Variants in PDGFD observed in about 807,000 individuals in gnomAD.
PDGFD encodes platelet derived growth factor D.
PDGFD carries 30 observed loss-of-function variants against 44.7 expected under a neutral mutation model. The observed-to-expected ratio is 0.67, with a 90% confidence interval of 0.50 to 0.91. PDGFD has a LOEUF of 0.91. Among genes scored for constraint, PDGFD ranks in the 40% least tolerant of loss-of-function variants. The pLI, the probability that PDGFD is intolerant of heterozygous loss-of-function variation, is 0.00. For missense variants in PDGFD, 445 were observed against 457.8 expected (o/e 0.97, Z 0.25); for synonymous variants, 173 against 168.4 (o/e 1.03, Z -0.21).
chr11:103,935,100 C>T (rs1417954588), intron 5 of PDGFD, among the ~76,000 whole-genome samples: 2 of 152,190 alleles, frequency 1.3e-5, no homozygotes, highest in Non-Finnish European at 2.9e-5. Context: ...ATTTGTTCAT[C>T]CGACGCTAAA....
chr11:104,030,052 T>C (rs1860100775), intron 1 of PDGFD, among the ~76,000 whole-genome samples: 2 of 152,244 alleles, frequency 1.3e-5, no homozygotes, highest in Non-Finnish European at 1.5e-5. Context: ...GTTAAAACTT[T>C]GTTTTATGCA....
intron 3 of PDGFD, among the ~76,000 whole-genome samples, chr11:103,979,819 T>C (rs747145405): frequency 1.3e-5 from 2 of 152,128 alleles, no homozygotes; most frequent in Non-Finnish European, 2.9e-5. Context: ...GAAAATAGCA[T>C]ATATACATTT....
At chr11:104,034,934 G>A (rs889842045) in intron 1 of PDGFD, among the ~76,000 whole-genome samples, 4 of 152,070 alleles carry the variant, frequency 2.6e-5, no homozygotes, top group Non-Finnish European at 4.4e-5. Flanking sequence ...GAGCCACCGC[G>A]CCAGGCAGCA....
chr11:104,103,959 C>T (rs372286765), intron 1 of PDGFD, among the ~76,000 whole-genome samples: 3 of 151,850 alleles, frequency 2.0e-5, no homozygotes, highest in East Asian at 3.9e-4. Flanking sequence ...GAAGAAGATA[C>T]GGAGATGACA....
At chr11:104,131,801 TAA>T (rs55959221) in intron 1 of PDGFD, among the ~76,000 whole-genome samples, 183 of 70,978 alleles carry the variant, frequency 2.6e-3, no homozygotes, top group African/African-American at 8.5e-3. Flanking sequence ...CAATGAACTG[TAA>T]AAAAAAAAAA....
chr11:104,063,778 G>A lies in PDGFD; in HGVS notation c.125-63523C>T, dbSNP rs1440440055. Among the ~76,000 whole-genome samples, 3 of 152,158 alleles carry A rather than the reference G, an allele frequency of 2.0e-5. No homozygotes were observed. The East Asian group carries it at 5.8e-4, about 29-fold the overall frequency. On this transcript the variant is annotated intron_variant, in intron 1 of 6. Transcript: ENST00000393158. ...CTTGTGAGAACTCACTCACTATCAT[G>A]AGAACAGTGTGGGGAACTCTGCCCT...
At chr11:103,988,718 T>C (rs1591109361) in intron 3 of PDGFD, among the ~76,000 whole-genome samples, 1 of 152,330 alleles carries the variant, frequency 6.6e-6, no homozygotes, top group East Asian at 1.9e-4. Context: ...GTATGAGCTC[T>C]GTGACCACAG....
rs1565294728 is a variant in PDGFD at position 103,956,458 on chromosome 11, TCACATAA to T, written c.511-8741_511-8735del. Among the ~76,000 whole-genome samples, 68 of 101,960 alleles carry T rather than the reference TCACATAA, an allele frequency of 6.7e-4. 1 individual carries two copies. Among genetic ancestry groups the T allele is most frequent in the African/African-American group, 3.9e-3 (64 of 16,454 alleles). The allele number at this position is 101,960 out of a possible 152,430, so 66.9% of individuals were successfully genotyped here. A position where few individuals can be genotyped will look rare whatever the true frequency, so the allele number is the denominator to read the frequency against. ...TGCCACATTTTCTTAATCCAGTCTA[TCACATAA>T]GGACATTTGGGTTGGTTCCAAGTCT... is the stretch of plus-strand genomic sequence containing the variant. On this transcript the variant is annotated intron_variant, in intron 3 of 6. Transcript: ENST00000393158.
In PDGFD at chr11:103,996,214, C is replaced by T. The variant is rs756940766; in HGVS notation, c.361G>A (p.Glu121Lys). 24 of 1,611,688 alleles carry T rather than the reference C, an allele frequency of 1.5e-5. No individual in the cohort carries two copies. Among genetic ancestry groups the T allele is most frequent in the Admixed American group, 1.3e-4 (8 of 59,618 alleles). Residue 121 changes from glutamate (E) to lysine (K), a missense_variant, in exon 3 of 7, where the codon GAA becomes AAA. Physicochemically the swap from Glu to Lys is moderately conservative, Grantham distance 56. Coordinates refer to ENST00000393158, the MANE Select transcript of PDGFD (RefSeq NM_025208.5). Reference protein sequence around the residue: ...YDFVEVEDISETSTIIRGRWC... With the variant: ...YDFVEVEDISKTSTIIRGRWC... ...CGTCCTCTAATAATGGTACTGGTTT[C>T]GGATATATCTTCAACTTCCACAAAA... is the stretch of plus-strand genomic sequence containing the variant.
chr11:103,933,745 T>A (rs1858443424), intron 5 of PDGFD, among the ~76,000 whole-genome samples: 1 of 152,192 alleles, frequency 6.6e-6, no homozygotes, highest in Non-Finnish European at 1.5e-5. Context: ...GATATTACAA[T>A]TCCCATTGGA....
At chr11:104,103,883 C>T (rs1463389961) in intron 1 of PDGFD, among the ~76,000 whole-genome samples, 1 of 151,938 alleles carries the variant, frequency 6.6e-6, no homozygotes, top group African/African-American at 2.4e-5. Flanking sequence ...TGTATTCCTT[C>T]TACTTATATT....
chr11:104,140,695 C>G (rs12284737), intron 1 of PDGFD, among the ~76,000 whole-genome samples: 5,320 of 152,132 alleles, frequency 0.035, 178 homozygotes, highest in African/African-American at 0.086. Context: ...ATATCCCCCC[C>G]TGAACATTAT....
chr11:104,136,305 C>A (rs1862003241), intron 1 of PDGFD, among the ~76,000 whole-genome samples: 1 of 152,184 alleles, frequency 6.6e-6, no homozygotes, highest in East Asian at 1.9e-4. Context: ...TTTCTAAAAT[C>A]ACATTCACAG....
intron 1 of PDGFD, among the ~76,000 whole-genome samples, chr11:104,077,886 C>T (rs960950668): frequency 1.3e-5 from 2 of 152,120 alleles, no homozygotes; most frequent in African/African-American, 4.8e-5. Context: ...TTTCCCTTCT[C>T]CTTCAAAAAA....
chr11:103,920,596 A>C (rs1858199751), intron 6 of PDGFD, among the ~76,000 whole-genome samples: 1 of 152,242 alleles, frequency 6.6e-6, no homozygotes, highest in African/African-American at 2.4e-5. Flanking sequence ...ATACTTAAAC[A>C]AGGAGTTCAC....
At chr11:104,133,586 A>G (rs538363666) in intron 1 of PDGFD, among the ~76,000 whole-genome samples, 35 of 152,284 alleles carry the variant, frequency 2.3e-4, no homozygotes, top group Non-Finnish European at 7.4e-5. Context: ...AGTTCTCTGC[A>G]AATACTATCC....
At chr11:103,962,957 A>G (rs1190917083) in intron 3 of PDGFD, among the ~76,000 whole-genome samples, 1 of 152,152 alleles carries the variant, frequency 6.6e-6, no homozygotes, top group Non-Finnish European at 1.5e-5. Flanking sequence ...TACAAATTCT[A>G]GAGTCAGACT....
chr11:104,163,729 GA>G, intron 1 of PDGFD, 74 bp downstream of exon 1: 4 of 1,433,054 alleles, frequency 2.8e-6, no homozygotes, highest in Admixed American at 2.2e-5. Flanking sequence ...AAAGAAAGGG[GA>G]AAAACATAGA....
At chr11:104,090,133 ATT>A (rs1316076460) in intron 1 of PDGFD, among the ~76,000 whole-genome samples, 2 of 151,972 alleles carry the variant, frequency 1.3e-5, no homozygotes, top group Non-Finnish European at 2.9e-5. Flanking sequence ...TATTAATTGT[ATT>A]TTCTCTTTTT....
Sources: allele counts gnomAD v4.1 joint callset (sites outside exome capture counted in the v4.1 genomes callset), GRCh38; gene constraint gnomAD v4.1.1; transcripts MANE v1.5; gene names NCBI Gene and HGNC (gene_info 2026-07-23, HGNC 2026-07-21).